Variants in ARHGEF17 observed in about 807,000 individuals in gnomAD.
ARHGEF17 encodes the protein Rho guanine nucleotide exchange factor 17, also known as 164 kDa Rho-specific guanine-nucleotide exchange factor.
ARHGEF17 carries 80 observed loss-of-function variants against 174.0 expected under a neutral mutation model. The observed-to-expected ratio is 0.46, with a 90% CI of 0.38 to 0.55. ARHGEF17 has a LOEUF of 0.55. Among genes scored for constraint, ARHGEF17 ranks in the 20% least tolerant of loss-of-function variants. ARHGEF17 has a pLI of 0.00. For missense variants in ARHGEF17, 2,886 were observed against 2,839.7 expected (o/e 1.02, Z -0.37); for synonymous variants, 1,311 against 1,189.1 (o/e 1.10, Z -2.11).
At chr11:73,355,020 C>A (rs1327930242) in intron 3 of ARHGEF17, among the ~76,000 whole-genome samples, 1 of 152,192 alleles carries the variant, frequency 6.6e-6, no homozygotes, top group Non-Finnish European at 1.5e-5. Flanking sequence ...AGGCAGAGCT[C>A]TAGTCAGGGA....
At position 73,365,280 on chromosome 11, in the gene ARHGEF17, A is replaced by G; in HGVS notation, c.5551-110A>G. 1 of 1,271,534 alleles carries G rather than the reference A, an allele frequency of 7.9e-7. No homozygotes were observed. The highest frequency in any genetic ancestry group is 2.0e-5 in the Admixed American group (1 of 50,142). The allele number at this position is 1,271,534 out of a possible 1,614,324, so 78.8% of individuals were successfully genotyped here. A position where few individuals can be genotyped will look rare whatever the true frequency, so the allele number is the denominator to read the frequency against. ...CTTCGAAAGGTTAATCAGACCAAGG[A>G]CCAACGCTAGTGTGAGTTGTGAGGG... On this transcript the variant is annotated intron_variant, in intron 18 of 20. Transcript: ENST00000263674. This position sits in a 1 kb window ranked among gnomAD's most constrained non-coding sequence, Gnocchi z 4.9.
At chr11:73,366,808 A>AG (rs1178586483) in intron 20 of ARHGEF17, among the ~76,000 whole-genome samples, 4 of 152,074 alleles carry the variant, frequency 2.6e-5, no homozygotes, top group African/African-American at 7.2e-5. Flanking sequence ...GAGAGGTTGA[A>AG]GGGGGTGGAT....
rs1164837457 is a variant in ARHGEF17, at chr11:73,310,589, G to T, written c.1951G>T (p.Asp651Tyr). ...SSLTDEGIGA[D>Y]PEPPVAAFCG... ...TCTGACAGATGAAGGCATTGGGGCA[G>T]ACCCTGAGCCTCCTGTTGCAGCATT... Residue 651 changes from aspartate (D) to tyrosine (Y), a missense_variant, in exon 1 of 21, where the codon GAC (aspartate) becomes TAC (tyrosine). Asp to Tyr is a radical substitution (Grantham distance 160). Coordinates refer to ENST00000263674, the MANE Select transcript of ARHGEF17 (RefSeq NM_014786.4). 6.2e-7 allele frequency: 1 copy of T among 1,614,026 alleles called. No individual in the cohort carries two copies. Among genetic ancestry groups the T allele is most frequent in the Non-Finnish European group, 8.5e-7 (1 of 1,180,046 alleles).
intron 1 of ARHGEF17, among the ~76,000 whole-genome samples, chr11:73,336,502 A>G (rs1210595209): frequency 6.6e-6 from 1 of 152,172 alleles, no homozygotes; most frequent in Non-Finnish European, 1.5e-5. Context: ...GTCCCAGCAT[A>G]AGGAATGAGG....
Position 73,310,263 on chromosome 11 carries a change from G to T in ARHGEF17, c.1625G>T (p.Arg542Leu), listed in dbSNP as rs781760252. The T allele has an allele frequency of 2.5e-6, 4 of 1,613,902 alleles. No homozygotes were observed. The highest frequency in any genetic ancestry group is 1.3e-5 in the African/African-American group (1 of 74,924). ...PTLKDLTATL[R>L]RAKSFTCSEK... ...CTCAAGGACTTGACAGCCACTCTGCGGAGAGCAAAGTCATTCACCTGCTCT... is the reference window on the plus strand; with the variant it reads ...CTCAAGGACTTGACAGCCACTCTGCTGAGAGCAAAGTCATTCACCTGCTCT... Residue 542 changes from arginine to leucine, a missense_variant, in exon 1 of 21, where the codon CGG becomes CTG. Transcript: ENST00000263674.
At chr11:73,334,547 A>C (rs911383454) in intron 1 of ARHGEF17, among the ~76,000 whole-genome samples, 3 of 152,200 alleles carry the variant, frequency 2.0e-5, no homozygotes, top group Non-Finnish European at 4.4e-5. Flanking sequence ...TGGGGAAGAC[A>C]GCCTCTTTTG....
At chr11:73,325,536 C>A (rs1865087316) in intron 1 of ARHGEF17, among the ~76,000 whole-genome samples, 1 of 152,174 alleles carries the variant, frequency 6.6e-6, no homozygotes, top group Non-Finnish European at 1.5e-5. Context: ...CGCATATAGG[C>A]ATTGTACACA....
rs1192284136 is a variant in ARHGEF17, at chr11:73,309,666, A to G, written c.1028A>G (p.Glu343Gly). The part of the protein sequence containing the change: ...PRAPREEGLR[E>G]WGSGSPPCVP... ...GCCCCTAGAGAAGAAGGACTCCGGGAGTGGGGTAGTGGCTCTCCGCCCTGC... is the reference window on the plus strand; with the variant it reads ...GCCCCTAGAGAAGAAGGACTCCGGGGGTGGGGTAGTGGCTCTCCGCCCTGC... The change falls in exon 1 of 21, where the codon GAG (glutamate) becomes GGG (glycine). Residue 343 changes from glutamate to glycine, a missense_variant. Glu to Gly is a moderately conservative substitution (Grantham distance 98). Coordinates refer to ENST00000263674, the MANE Select transcript of ARHGEF17 (RefSeq NM_014786.4). The G allele has an allele frequency of 1.2e-6, 2 of 1,612,984 alleles. No homozygotes were observed. The highest frequency in any genetic ancestry group is 1.7e-6 in the Non-Finnish European group (2 of 1,179,998).
chr11:73,329,354 TATATATATATATATATA>T (rs555739782), intron 1 of ARHGEF17, among the ~76,000 whole-genome samples: 2,011 of 41,260 alleles, frequency 0.049, 366 homozygotes, highest in Non-Finnish European at 0.061. Flanking sequence ...TATATATATA[TATATATATATATATATA>T]TATTTTTTTT....
intron 10 of ARHGEF17, among the ~76,000 whole-genome samples, 184 bp downstream of exon 10, chr11:73,360,136 A>G (rs1008183007): frequency 6.6e-6 from 1 of 152,154 alleles, no homozygotes; most frequent in Admixed American, 6.5e-5. Context: ...GGGTGGAGAC[A>G]TAGCTGCATC....
At chr11:73,343,054 A>G in intron 1 of ARHGEF17, 1 of 294,088 alleles carries the variant, frequency 3.4e-6, no homozygotes, top group South Asian at 1.4e-4. Context: ...AGGGAGCGAG[A>G]GTGGGAGGCG....
At chr11:73,347,942 T>G (rs1418150200) in intron 2 of ARHGEF17, among the ~76,000 whole-genome samples, 2 of 152,006 alleles carry the variant, frequency 1.3e-5, no homozygotes, top group Non-Finnish European at 2.9e-5. Flanking sequence ...AAGCCCAAGA[T>G]GATGTCTGGG....
At chr11:73,320,198 A>T (rs1481862213) in intron 1 of ARHGEF17, among the ~76,000 whole-genome samples, 1 of 152,028 alleles carries the variant, frequency 6.6e-6, no homozygotes, top group Non-Finnish European at 1.5e-5. Flanking sequence ...GGGAGGTGGC[A>T]TGTGGAGGGT....
At chr11:73,362,319 C>A in intron 13 of ARHGEF17, 80 bp downstream of exon 13, 1 of 1,446,548 alleles carries the variant, frequency 6.9e-7, no homozygotes. Flanking sequence ...TCAGGCCGCC[C>A]CGGCGTGGTT....
chr11:73,352,641 G>A (rs1261054821), intron 2 of ARHGEF17, among the ~76,000 whole-genome samples, 189 bp from the exon 3 acceptor site: 2 of 152,156 alleles, frequency 1.3e-5, no homozygotes, highest in East Asian at 3.9e-4. Flanking sequence ...TGGGCTCAGC[G>A]ATGAGGGCAT....
chr11:73,313,964 G>A (rs933931093), intron 1 of ARHGEF17, among the ~76,000 whole-genome samples: 1 of 152,236 alleles, frequency 6.6e-6, no homozygotes. Context: ...GGCTTGGCTT[G>A]TGAACACAGG....
chr11:73,356,376 C>A lies in ARHGEF17; in HGVS notation c.3840+25C>A. On this transcript the variant is annotated intron_variant, in intron 6 of 20. Transcript: ENST00000263674. ...TGTGCGTGCGCCCTGCCCCACCCCACCCTACCCCACCCCACCCACATCTGT... is the reference window on the plus strand; with the variant it reads ...TGTGCGTGCGCCCTGCCCCACCCCAACCTACCCCACCCCACCCACATCTGT... 3 of 1,561,934 alleles carry A rather than the reference C, an allele frequency of 1.9e-6. No individual in the cohort carries two copies. In the South Asian group the frequency reaches 3.5e-5, roughly 18 times the overall value.
At chr11:73,349,456 A>G (rs1865517574) in intron 2 of ARHGEF17, among the ~76,000 whole-genome samples, 1 of 152,078 alleles carries the variant, frequency 6.6e-6, no homozygotes, top group Admixed American at 6.6e-5. Context: ...CTCTACTAGA[A>G]ATACAAAAAT....
intron 1 of ARHGEF17, among the ~76,000 whole-genome samples, chr11:73,312,277 A>C (rs1032172634): frequency 6.6e-6 from 1 of 152,182 alleles, no homozygotes; most frequent in Non-Finnish European, 1.5e-5. Flanking sequence ...CACAGTTGAC[A>C]TGGGTTTGCC....
Sources: gnomAD v4.1 joint callset for allele counts (sites outside exome capture counted in the v4.1 genomes callset) on GRCh38, gnomAD v4.1.1 for gene constraint, Gnocchi (gnomAD v3.1) non-coding constraint, MANE v1.5 for transcripts, NCBI Gene and HGNC (gene_info 2026-07-23, HGNC 2026-07-21) for gene names.